NALCN: variants seen among roughly 807,000 people sequenced by gnomAD.
NALCN encodes the protein sodium leak channel, non-selective.
NALCN carries 111 observed loss-of-function variants against 225.3 expected under a neutral mutation model. The observed-to-expected ratio is 0.49, with a 90% CI of 0.42 to 0.58. The LOEUF (loss-of-function observed/expected upper bound fraction) is 0.58, where lower values mean the gene tolerates loss of function less well. Ranked by LOEUF, NALCN falls within the 20% of genes least tolerant of loss-of-function variation. The pLI is 0.00. For synonymous variants in NALCN, 764 were observed against 769.0 expected (o/e 0.99, Z 0.11); for missense variants, 1,378 against 2,202.4 (o/e 0.63, Z 7.49).
At chr13:101,270,206 T>C (rs1594570816) in intron 10 of NALCN, among the ~76,000 whole-genome samples, 2 of 152,218 alleles carry the variant, frequency 1.3e-5, no homozygotes, top group African/African-American at 2.4e-5. Context: ...GTTACCTGTA[T>C]TGTTGTGAGT....
chr13:101,372,178 A>C (rs2139404032), intron 6 of NALCN, among the ~76,000 whole-genome samples: 1 of 152,266 alleles, frequency 6.6e-6, no homozygotes, highest in Admixed American at 6.5e-5. Flanking sequence ...TATGCGCCTA[A>C]TTAAAGTTGA....
intron 15 of NALCN, among the ~76,000 whole-genome samples, chr13:101,160,168 A>G (rs367595731): frequency 6.6e-4 from 100 of 152,056 alleles, no homozygotes; most frequent in African/African-American, 2.2e-3. Context: ...GTTAGCCAGG[A>G]TGGTCTCGAT....
At chr13:101,255,498 G>C (rs1280160108) in intron 11 of NALCN, among the ~76,000 whole-genome samples, 1 of 152,198 alleles carries the variant, frequency 6.6e-6, no homozygotes, top group African/African-American at 2.4e-5. Context: ...CTAATGTCAA[G>C]ATTCCCTCAG....
intron 7 of NALCN, among the ~76,000 whole-genome samples, chr13:101,326,809 C>A (rs570137299): frequency 2.0e-5 from 3 of 152,290 alleles, no homozygotes; most frequent in Admixed American, 2.0e-4. Context: ...CTGATCTCAG[C>A]TGGGTCTAAC....
At chr13:101,149,321 A>G (rs2037522794) in intron 15 of NALCN, among the ~76,000 whole-genome samples, 1 of 151,878 alleles carries the variant, frequency 6.6e-6, no homozygotes, top group Non-Finnish European at 1.5e-5. Flanking sequence ...ATAAAGGGAC[A>G]TGTTGGAGAA....
At chr13:101,409,607 G>T (rs1035725492) in intron 1 of NALCN, among the ~76,000 whole-genome samples, 7 of 152,176 alleles carry the variant, frequency 4.6e-5, no homozygotes, top group Non-Finnish European at 7.3e-5. Flanking sequence ...TACTTATTTT[G>T]ATTGTGGTTG....
intron 7 of NALCN, among the ~76,000 whole-genome samples, chr13:101,297,188 T>C (rs560035488): frequency 1.3e-5 from 2 of 152,216 alleles, no homozygotes; most frequent in African/African-American, 2.4e-5. Flanking sequence ...AAAATTGTGA[T>C]GATAACTAGC....
chr13:101,224,417 T>C (rs978013680), intron 13 of NALCN, among the ~76,000 whole-genome samples: 1 of 152,196 alleles, frequency 6.6e-6, no homozygotes, highest in Admixed American at 6.5e-5. Flanking sequence ...TTTTCTCTTT[T>C]TGATTGTTTC....
chr13:101,357,500 G>A (rs1350386774), intron 6 of NALCN, among the ~76,000 whole-genome samples: 1 of 152,058 alleles, frequency 6.6e-6, no homozygotes, highest in Non-Finnish European at 1.5e-5. Flanking sequence ...CCTCTTCAAG[G>A]AGAACTACAA....
rs1240596341 is a variant in NALCN, at chr13:101,353,142, C to T, written c.645-7722G>A. ...AAATAAACCCATGGAGAAAATTACA[C>T]CCACACACAATCATACATAGACACA... On this transcript the variant is annotated intron_variant, in intron 6 of 43. Coordinates refer to ENST00000251127, the MANE Select transcript of NALCN (RefSeq NM_052867.4). 3.3e-5 allele frequency among the ~76,000 whole-genome samples: 5 copies of T among 152,128 alleles called. 1 individual carries two copies. The East Asian group carries it at 9.6e-4, about 29-fold the overall frequency.
intron 7 of NALCN, among the ~76,000 whole-genome samples, chr13:101,337,013 T>A (rs573245917): frequency 2.0e-5 from 3 of 152,328 alleles, no homozygotes; most frequent in Middle Eastern, 3.4e-3. Flanking sequence ...TAATTTTACA[T>A]CAAAAGTAGT....
intron 17 of NALCN, among the ~76,000 whole-genome samples, chr13:101,138,605 T>C (rs2036917343): frequency 6.6e-6 from 1 of 152,170 alleles, no homozygotes; most frequent in Non-Finnish European, 1.5e-5. Flanking sequence ...TATTGCAGGT[T>C]CTGACATAAG....
chr13:101,232,845 T>C (rs1169909278), intron 12 of NALCN, among the ~76,000 whole-genome samples: 1 of 152,164 alleles, frequency 6.6e-6, no homozygotes, highest in Non-Finnish European at 1.5e-5. Context: ...TAAGAACTAT[T>C]AAAGTATTAA....
At chr13:101,238,045 T>C (rs1469013767) in intron 11 of NALCN, 123 bp from the exon 12 acceptor site, 4 of 717,806 alleles carry the variant, frequency 5.6e-6, no homozygotes, top group African/African-American at 1.9e-5. Context: ...CCCCATAAGG[T>C]CAAGAATGAC....
intron 2 of NALCN, among the ~76,000 whole-genome samples, chr13:101,397,607 G>T (rs897413816): frequency 6.6e-6 from 1 of 150,648 alleles, no homozygotes; most frequent in Non-Finnish European, 1.5e-5. Context: ...GTATATATGT[G>T]ATATACATAT....
chr13:101,101,078 A>T (rs1479295831), intron 26 of NALCN, among the ~76,000 whole-genome samples, 190 bp from the exon 27 acceptor site: 1 of 152,150 alleles, frequency 6.6e-6, no homozygotes, highest in Non-Finnish European at 1.5e-5. Flanking sequence ...GAGAAAATTA[A>T]CAAGCTTTGA....
intron 34 of NALCN, among the ~76,000 whole-genome samples, chr13:101,076,699 T>C (rs997019357): frequency 6.6e-6 from 1 of 152,186 alleles, no homozygotes; most frequent in Non-Finnish European, 1.5e-5. Flanking sequence ...TGGGGAACTT[T>C]CCTTCCCAAT....
rs2030880614 is a variant in NALCN at position 101,053,941 on chromosome 13, G to C, written c.*1354C>G. ...AGACTGCCACTACCACGATACTTCT[G>C]TGACACAGAAGGAATGTCCTATTTG... On this transcript the variant is annotated 3_prime_UTR_variant, in exon 44 of 44. Transcript: ENST00000251127. The C allele has an allele frequency of 6.6e-6, 1 of 151,992 alleles. No homozygotes were observed. The highest frequency in any genetic ancestry group is 2.4e-5 in the African/African-American group (1 of 41,308). 9.4% of individuals were successfully genotyped at this position (151,992 alleles called of 1,614,324 possible). A position where few individuals can be genotyped will look rare whatever the true frequency, so the allele number is the denominator to read the frequency against.
chr13:101,074,645 G>A lies in NALCN; in HGVS notation c.3972C>T (p.Leu1324=), dbSNP rs371435011. 1.7e-5 allele frequency: 28 copies of A among 1,609,794 alleles called. No individual in the cohort carries two copies. The African/African-American group carries it at 2.8e-4, about 16-fold the overall frequency. Reference sequence around the variant, plus strand: ...ACATGCTGACGACCACTGTCAAGAGGAGCATCTTTAGCGTTACCTGGGGAC... The same window carrying A: ...ACATGCTGACGACCACTGTCAAGAGAAGCATCTTTAGCGTTACCTGGGGAC... ...ICGKHVTLKM[L]LLTVVVSMYK... Residue 1324 remains leucine, a synonymous_variant, in exon 36 of 44, where the codon CTC becomes CTT. Transcript: ENST00000251127.
Sources: allele counts gnomAD v4.1 joint callset (sites outside exome capture counted in the v4.1 genomes callset), GRCh38; gene constraint gnomAD v4.1.1; transcripts MANE v1.5; gene names NCBI Gene and HGNC (gene_info 2026-07-23, HGNC 2026-07-21).